Variants in OPCML observed in about 807,000 individuals in gnomAD.
The protein encoded by OPCML is opioid binding protein/cell adhesion molecule like.
Under a neutral mutation model 37.8 loss-of-function variants are expected in OPCML, and 13 were observed. The observed-to-expected ratio is 0.34, with a 90% CI of 0.22 to 0.55. The LOEUF (loss-of-function observed/expected upper bound fraction) is 0.55. OPCML is among the 20% of genes least tolerant of loss of function. The pLI is 0.91. For synonymous variants in OPCML, 176 were observed against 168.8 expected, an observed-to-expected ratio of 1.04 and a Z score of -0.33; for missense variants, 341 against 435.6, an observed-to-expected ratio of 0.78 and a Z score of 1.93.
chr11:132,711,049 C>T (rs1944244316), intron 2 of OPCML, among the ~76,000 whole-genome samples: 1 of 152,062 alleles, frequency 6.6e-6, no homozygotes, highest in Non-Finnish European at 1.5e-5. Flanking sequence ...AGGAGACCAA[C>T]GCCAGTGACA....
chr11:133,490,930 T>G (rs902073691), intron 1 of OPCML, among the ~76,000 whole-genome samples: 2 of 152,230 alleles, frequency 1.3e-5, no homozygotes, highest in Non-Finnish European at 2.9e-5. Flanking sequence ...TAACTGCCAA[T>G]CTCTTCTCAC....
chr11:132,670,337 C>T (rs568101996), intron 2 of OPCML, among the ~76,000 whole-genome samples: 2 of 152,204 alleles, frequency 1.3e-5, no homozygotes, highest in Non-Finnish European at 1.5e-5. Context: ...ACAGATTTCC[C>T]TACAAATACC....
At chr11:133,415,916 A>G (rs577316471) in intron 1 of OPCML, among the ~76,000 whole-genome samples, 1 of 152,346 alleles carries the variant, frequency 6.6e-6, no homozygotes, top group African/African-American at 2.4e-5. Flanking sequence ...CAAATGAAAC[A>G]GAAGCCTCAG....
At chr11:133,511,895 A>G (rs1948168032) in intron 1 of OPCML, among the ~76,000 whole-genome samples, 1 of 152,182 alleles carries the variant, frequency 6.6e-6, no homozygotes, top group East Asian at 1.9e-4. Flanking sequence ...CATGCCAGGT[A>G]GTTACTCTTC....
intron 3 of OPCML, among the ~76,000 whole-genome samples, chr11:132,595,333 G>T (rs1218787107): frequency 6.6e-6 from 1 of 152,176 alleles, no homozygotes; most frequent in Non-Finnish European, 1.5e-5. Context: ...AATGATAGTG[G>T]AATGGAATGG....
At chr11:133,222,891 G>C (rs1020471356) in intron 1 of OPCML, among the ~76,000 whole-genome samples, 2 of 152,092 alleles carry the variant, frequency 1.3e-5, no homozygotes, top group Non-Finnish European at 2.9e-5. Flanking sequence ...GAAAGAGCAG[G>C]CTGGGAAGCA....
chr11:132,704,736 A>G (rs1185928178), intron 2 of OPCML, among the ~76,000 whole-genome samples: 1 of 152,232 alleles, frequency 6.6e-6, no homozygotes, highest in East Asian at 1.9e-4. Flanking sequence ...AGATGGTAAG[A>G]CTGTTTTTAA....
intron 1 of OPCML, among the ~76,000 whole-genome samples, chr11:132,971,430 C>T (rs546939363): frequency 1.1e-4 from 16 of 152,164 alleles, no homozygotes; most frequent in African/African-American, 3.6e-4. Context: ...CTTCAAGCTC[C>T]CTGCAAACAC....
intron 1 of OPCML, among the ~76,000 whole-genome samples, chr11:133,037,916 G>C (rs1404722436): frequency 1.3e-5 from 2 of 152,250 alleles, no homozygotes; most frequent in Admixed American, 6.5e-5. Context: ...CCTTCTGGCT[G>C]TTTGGAGCCA....
intron 3 of OPCML, among the ~76,000 whole-genome samples, chr11:132,614,114 C>T (rs1184528890): frequency 6.6e-6 from 1 of 152,074 alleles, no homozygotes; most frequent in Non-Finnish European, 1.5e-5. Context: ...CCCCAACCAA[C>T]TTTCCCATGC....
chr11:132,954,512 G>A (rs1029113830), intron 1 of OPCML, among the ~76,000 whole-genome samples: 16 of 152,300 alleles, frequency 1.1e-4, no homozygotes, highest in Middle Eastern at 3.4e-3. Context: ...TTTGGCAGAT[G>A]AGTGAACAGC....
At position 132,943,276 on chromosome 11, in the gene OPCML, G is replaced by A; in HGVS notation, c.62-266C>T. On this transcript the variant is annotated intron_variant, in intron 1 of 7. Transcript: ENST00000524381. This position sits in a 1 kb window ranked among gnomAD's most constrained non-coding sequence, Gnocchi z 4.3. ...GTCTGAGAATTCTTCCTCAGATCCT[G>A]CCTCAGCTTTCCAGCCTAGCAGAAC... 1 of 871,508 alleles carries A rather than the reference G, an allele frequency of 1.1e-6. No homozygotes were observed. The highest frequency in any genetic ancestry group is 1.7e-6 in the Non-Finnish European group (1 of 579,910). 54.0% of individuals were successfully genotyped at this position (871,508 alleles called of 1,614,324 possible).
intron 2 of OPCML, among the ~76,000 whole-genome samples, chr11:132,905,160 GT>G (rs1258049316): frequency 6.7e-6 from 1 of 148,542 alleles, no homozygotes; most frequent in Admixed American, 6.7e-5. Context: ...GCTCAGCTGT[GT>G]TATAGAACTT....
intron 1 of OPCML, among the ~76,000 whole-genome samples, chr11:133,370,100 T>C (rs140771511): frequency 0.05 from 7,546 of 152,282 alleles, 309 homozygotes; most frequent in Non-Finnish European, 0.067. Context: ...GGTCAGGTAT[T>C]AAATTTTTGA....
At chr11:133,397,803 C>A (rs185099638) in intron 1 of OPCML, among the ~76,000 whole-genome samples, 1 of 152,262 alleles carries the variant, frequency 6.6e-6, no homozygotes, top group Non-Finnish European at 1.5e-5. Flanking sequence ...TAGAAAAATA[C>A]CTTCAACCCC....
At chr11:132,770,930 T>C (rs1473842667) in intron 2 of OPCML, among the ~76,000 whole-genome samples, 3 of 152,198 alleles carry the variant, frequency 2.0e-5, no homozygotes, top group East Asian at 3.9e-4. Context: ...ATAGACCATA[T>C]GGTCTGGCCT....
At chr11:133,432,866 G>C (rs1217884914) in intron 1 of OPCML, among the ~76,000 whole-genome samples, 1 of 152,092 alleles carries the variant, frequency 6.6e-6, no homozygotes, top group Non-Finnish European at 1.5e-5. Context: ...CTAAAATTAA[G>C]TTGTTTGAGC....
chr11:132,539,292 G>T (rs1381000967), intron 3 of OPCML, among the ~76,000 whole-genome samples: 1 of 152,098 alleles, frequency 6.6e-6, no homozygotes, highest in Non-Finnish European at 1.5e-5. Context: ...GTTTGTTGTG[G>T]GCAGAGCTGG....
chr11:132,479,431 A>G (rs368293241), intron 4 of OPCML, among the ~76,000 whole-genome samples: 20 of 152,232 alleles, frequency 1.3e-4, no homozygotes, highest in East Asian at 1.2e-3. Context: ...ACTGCAAGGC[A>G]GCAGCGAGGC....
Sources: allele counts gnomAD v4.1 joint callset (sites outside exome capture counted in the v4.1 genomes callset), GRCh38; gene constraint gnomAD v4.1.1; non-coding constraint Gnocchi (gnomAD v3.1); transcripts MANE v1.5; gene names NCBI Gene and HGNC (gene_info 2026-07-23, HGNC 2026-07-21).